Variants in DUSP5 observed in about 807,000 individuals in gnomAD.
DUSP5 encodes dual specificity phosphatase 5.
A neutral mutation model predicts 33.6 loss-of-function variants in DUSP5; 22 were observed. The observed-to-expected ratio is 0.66, with a 90% CI of 0.47 to 0.94. DUSP5 has a LOEUF of 0.94. Ranked by LOEUF, DUSP5 falls within the 40% of genes least tolerant of loss-of-function variation. The pLI, the probability that DUSP5 is intolerant of heterozygous loss-of-function variation, is 0.00. For missense variants in DUSP5, 551 were observed against 522.1 expected (o/e 1.06, Z -0.54); for synonymous variants, 270 against 231.1 (o/e 1.17, Z -1.53).
intron 3 of DUSP5, among the ~76,000 whole-genome samples, chr10:110,508,642 G>T (rs1273311768): frequency 6.6e-6 from 1 of 152,212 alleles, no homozygotes; most frequent in East Asian, 1.9e-4. Context: ...ATACACTCTG[G>T]ACCCTTTGCA....
rs565671192 is a variant in DUSP5 at position 110,510,339 on chromosome 10, C to T, written c.1068C>T (p.Phe356=). ...ACATGCAGGGTGCCTACTGCACATT[C>T]CCTGCCTCGGTGCTGGCACCGGTGC... ...SPDMQGAYCT[F]PASVLAPVPT... is the part of the protein sequence containing the mutation. The change falls in exon 4 of 4, where the codon TTC becomes TTT. Residue 356 remains phenylalanine (F), a synonymous_variant. Transcript: ENST00000369583. The T allele has an allele frequency of 1.2e-3, 1,928 of 1,614,092 alleles. 33 individuals carry two copies. The South Asian group carries it at 0.02, about 17-fold the overall frequency.
At chr10:110,509,894 G>A in intron 3 of DUSP5, 126 bp from the exon 4 acceptor site, 1 of 1,270,620 alleles carries the variant, frequency 7.9e-7, no homozygotes, top group Non-Finnish European at 1.1e-6. Flanking sequence ...TGTAGTGTAG[G>A]GCCGTGGCTC....
intron 3 of DUSP5, among the ~76,000 whole-genome samples, chr10:110,508,970 G>A (rs550695198): frequency 1.2e-3 from 188 of 152,356 alleles, no homozygotes; most frequent in Non-Finnish European, 1.7e-3. Flanking sequence ...GCAGGGAAGT[G>A]GAGGGTGGTA....
In DUSP5 at chr10:110,510,844, T is replaced by A. The variant is rs1209524247; in HGVS notation, c.*418T>A. The A allele has an allele frequency of 6.0e-6, 1 of 165,876 alleles. No homozygotes were observed. Among genetic ancestry groups the A allele is most frequent in the East Asian group, 1.8e-4 (1 of 5,704 alleles). The allele number at this position is 165,876 out of a possible 1,614,324, so 10.3% of individuals were successfully genotyped here. ...GAAGCACAATTTCCACCTTATTTTT[T>A]GAACTTTGGCAGTTTCAATGTCTGT... On this transcript the variant is annotated 3_prime_UTR_variant, in exon 4 of 4. Transcript: ENST00000369583.
In DUSP5 at chr10:110,511,425, G is replaced by A. The variant is rs1860192393; in HGVS notation, c.*999G>A. On this transcript the variant is annotated 3_prime_UTR_variant, in exon 4 of 4. Coordinates refer to ENST00000369583, the MANE Select transcript of DUSP5 (RefSeq NM_004419.4). ...TTTGTCTGTTAGTTATTTCTCCAGG[G>A]GAAAAGGCAATAATTTTCTAAGACC... 6.6e-6 allele frequency: 1 copy of A among 152,462 alleles called. No homozygotes were observed. Among genetic ancestry groups the A allele is most frequent in the African/African-American group, 2.4e-5 (1 of 41,360 alleles). The allele number at this position is 152,462 out of a possible 1,614,324, so 9.4% of individuals were successfully genotyped here.
chr10:110,498,584 G>A, intron 1 of DUSP5, 84 bp downstream of exon 1: 2 of 1,327,276 alleles, frequency 1.5e-6, no homozygotes, highest in Non-Finnish European at 1.9e-6. Flanking sequence ...CCTACACCCT[G>A]GGACCGGGAG....
chr10:110,507,848 T>C (rs1219078513), intron 3 of DUSP5, among the ~76,000 whole-genome samples: 4 of 152,220 alleles, frequency 2.6e-5, no homozygotes, highest in Non-Finnish European at 5.9e-5. Context: ...GCCTGGATTG[T>C]TCTCCCATTT....
rs1860054268 is a variant in DUSP5 at position 110,501,908 on chromosome 10, GTA to G, written c.380-812_380-811del. Reference sequence around the variant, plus strand: ...TTACCTTATATCCATTTGGAGAGGTGTAAATGTAATATTAAGGATTCTGAGAG... The same window carrying G: ...TTACCTTATATCCATTTGGAGAGGTGAATGTAATATTAAGGATTCTGAGAG... On this transcript the variant is annotated intron_variant, in intron 1 of 3. Transcript: ENST00000369583. Among the ~76,000 whole-genome samples the G allele has an allele frequency of 2.0e-5, 3 of 150,284 alleles. No individual in the cohort carries two copies. The South Asian group carries it at 6.4e-4, about 32-fold the overall frequency.
intron 1 of DUSP5, among the ~76,000 whole-genome samples, chr10:110,501,281 A>G (rs1590515442): frequency 6.6e-6 from 1 of 152,046 alleles, no homozygotes; most frequent in South Asian, 2.1e-4. Flanking sequence ...ACCATCTTGC[A>G]CCTCTGCCGT....
chr10:110,499,735 G>T (rs11195157), intron 1 of DUSP5, among the ~76,000 whole-genome samples: 2 of 152,044 alleles, frequency 1.3e-5, no homozygotes, highest in African/African-American at 4.8e-5. Flanking sequence ...TCCCCCAGGG[G>T]ATAGAGGGTT....
chr10:110,499,269 G>C (rs1860008198), intron 1 of DUSP5, among the ~76,000 whole-genome samples: 1 of 152,174 alleles, frequency 6.6e-6, no homozygotes, highest in African/African-American at 2.4e-5. Flanking sequence ...CCACAGGCCT[G>C]CCCATTTCAC....
At chr10:110,509,665 G>A (rs1391472532) in intron 3 of DUSP5, among the ~76,000 whole-genome samples, 1 of 152,214 alleles carries the variant, frequency 6.6e-6, no homozygotes, top group African/African-American at 2.4e-5. Flanking sequence ...ACCATCAGTG[G>A]AACCTAGGTT....
chr10:110,498,303 C>T lies in DUSP5; in HGVS notation c.182C>T (p.Ser61Leu), dbSNP rs1357915575. The T allele has an allele frequency of 7.0e-7, 1 of 1,434,750 alleles. No individual in the cohort carries two copies. The highest frequency in any genetic ancestry group is 1.5e-5 in the South Asian group (1 of 68,342). 88.9% of individuals were successfully genotyped at this position (1,434,750 alleles called of 1,614,324 possible). The part of the protein sequence containing the change: ...VLRRARGGAV[S>L]ARYVLPDEAA... Reference sequence around the variant, plus strand: ...CGGCGGGCCCGGGGCGGCGCGGTGTCGGCGCGCTACGTGCTGCCCGACGAG... The same window carrying T: ...CGGCGGGCCCGGGGCGGCGCGGTGTTGGCGCGCTACGTGCTGCCCGACGAG... The change falls in exon 1 of 4, where the codon TCG becomes TTG. Residue 61 changes from serine (S) to leucine (L), a missense_variant. Physicochemically the swap from Ser to Leu is moderately radical, Grantham distance 145. Transcript: ENST00000369583.
chr10:110,509,328 T>C (rs1860157343), intron 3 of DUSP5, among the ~76,000 whole-genome samples: 1 of 152,216 alleles, frequency 6.6e-6, no homozygotes, highest in Non-Finnish European at 1.5e-5. Flanking sequence ...ATGGAATTTG[T>C]GAAAGCCATT....
At position 110,504,320 on chromosome 10, in the gene DUSP5, C is replaced by T. The variant is rs200584990; in HGVS notation, c.528+1451C>T. 3.9e-5 allele frequency among the ~76,000 whole-genome samples: 6 copies of T among 152,342 alleles called. No individual in the cohort carries two copies. In the East Asian group the frequency reaches 1.2e-3, roughly 29 times the overall value. On this transcript the variant is annotated intron_variant, in intron 2 of 3. Coordinates refer to ENST00000369583, the MANE Select transcript of DUSP5 (RefSeq NM_004419.4). ...GAAATGCTTCTGCATTTAGAGCAGCCAGATGAGGTTGTGTTAACTTTTGGG... is the reference window on the plus strand; with the variant it reads ...GAAATGCTTCTGCATTTAGAGCAGCTAGATGAGGTTGTGTTAACTTTTGGG...
At position 110,510,501 on chromosome 10, in the gene DUSP5, A is replaced by T. The variant is rs1436000495; in HGVS notation, c.*75A>T. ...TTTTTAAGACTCATGGACATTTCAT[A>T]CCTGTGCAATACTGAAGACCTCATT... On this transcript the variant is annotated 3_prime_UTR_variant, in exon 4 of 4. Coordinates refer to ENST00000369583, the MANE Select transcript of DUSP5 (RefSeq NM_004419.4). 1 of 1,450,510 alleles carries T rather than the reference A, an allele frequency of 6.9e-7. No individual in the cohort carries two copies. Among genetic ancestry groups the T allele is most frequent in the Non-Finnish European group, 9.1e-7 (1 of 1,096,556 alleles). 89.9% of individuals were successfully genotyped at this position (1,450,510 alleles called of 1,614,324 possible). A position where few individuals can be genotyped will look rare whatever the true frequency, so the allele number is the denominator to read the frequency against.
chr10:110,500,037 G>A (rs189978337), intron 1 of DUSP5, among the ~76,000 whole-genome samples: 1 of 152,308 alleles, frequency 6.6e-6, no homozygotes, highest in Non-Finnish European at 1.5e-5. Context: ...AATTTGAACA[G>A]CATGAAGGCC....
intron 2 of DUSP5, among the ~76,000 whole-genome samples, chr10:110,504,150 T>TC (rs1460140222): frequency 6.6e-6 from 1 of 152,182 alleles, no homozygotes; most frequent in African/African-American, 2.4e-5. Context: ...GGTTGTGTTT[T>TC]CCCCCCATTT....
intron 1 of DUSP5, among the ~76,000 whole-genome samples, chr10:110,502,233 C>T (rs528181558): frequency 6.6e-6 from 1 of 152,234 alleles, no homozygotes; most frequent in South Asian, 2.1e-4. Flanking sequence ...CGAAATGAAA[C>T]CTCGTATCAG....
Sources: allele counts gnomAD v4.1 joint callset (sites outside exome capture counted in the v4.1 genomes callset), GRCh38; gene constraint gnomAD v4.1.1; transcripts MANE v1.5; gene names NCBI Gene and HGNC (gene_info 2026-07-23, HGNC 2026-07-21).